MDGA2: variants seen among roughly 807,000 people sequenced by gnomAD.
The protein encoded by MDGA2 is MAM domain-containing glycosylphosphatidylinositol anchor protein 2.
In MDGA2, 40 loss-of-function variants were observed where a neutral mutation model predicts 117.8. The observed-to-expected ratio is 0.34, with a 90% confidence interval of 0.26 to 0.44. The LOEUF (loss-of-function observed/expected upper bound fraction) is 0.44, where lower values mean the gene tolerates loss of function less well. MDGA2 is among the 20% of genes least tolerant of loss of function. The probability of loss-of-function intolerance (pLI) is 1.00; values close to 1 mark genes in which losing one functional copy is unlikely to be tolerated. For synonymous variants in MDGA2, 452 were observed against 439.0 expected (o/e 1.03, Z -0.37); for missense variants, 1,123 against 1,250.6 (o/e 0.90, Z 1.54).
At chr14:47,375,520 A>G (rs751156863) in intron 1 of MDGA2, among the ~76,000 whole-genome samples, 3 of 151,948 alleles carry the variant, frequency 2.0e-5, no homozygotes, top group Admixed American at 6.6e-5. Context: ...TAAATCTGCC[A>G]TTTTCTAATG....
At chr14:46,881,279 T>G (rs1882448079) in intron 11 of MDGA2, among the ~76,000 whole-genome samples, 1 of 152,114 alleles carries the variant, frequency 6.6e-6, no homozygotes, top group Non-Finnish European at 1.5e-5. Context: ...ACATGCTGTA[T>G]GATTCCAAAT....
intron 5 of MDGA2, among the ~76,000 whole-genome samples, chr14:47,127,257 T>C (rs889984054): frequency 6.6e-6 from 1 of 152,126 alleles, no homozygotes; most frequent in Non-Finnish European, 1.5e-5. Flanking sequence ...TCACATTGAT[T>C]ATAGCAATGG....
intron 3 of MDGA2, among the ~76,000 whole-genome samples, chr14:47,200,382 T>G (rs189660407): frequency 1.6e-4 from 25 of 152,182 alleles, no homozygotes; most frequent in Admixed American, 1.6e-3. Context: ...ATATCATATT[T>G]CTAAAACTAT....
intron 1 of MDGA2, among the ~76,000 whole-genome samples, chr14:47,530,012 T>G (rs765263985): frequency 6.6e-6 from 1 of 152,094 alleles, no homozygotes; most frequent in South Asian, 2.1e-4. Context: ...CAATGCCAGG[T>G]TGGGCTGCCA....
At chr14:47,207,165 C>G (rs1426335656) in intron 3 of MDGA2, among the ~76,000 whole-genome samples, 1 of 151,650 alleles carries the variant, frequency 6.6e-6, no homozygotes, top group African/African-American at 2.4e-5. Context: ...TTTACAAGAC[C>G]TTTGGGAGAA....
At chr14:47,261,425 ATAAG>A (rs1285345540) in intron 2 of MDGA2, among the ~76,000 whole-genome samples, 1 of 152,154 alleles carries the variant, frequency 6.6e-6, no homozygotes, top group African/African-American at 2.4e-5. Flanking sequence ...AGGTAATGCA[ATAAG>A]TAAGTAAGGA....
intron 15 of MDGA2, among the ~76,000 whole-genome samples, chr14:46,849,672 T>C (rs554264457): frequency 6.6e-6 from 1 of 152,052 alleles, no homozygotes; most frequent in African/African-American, 2.4e-5. Context: ...ATATGATGTA[T>C]TTAGCCATAG....
chr14:47,674,103 G>A (rs1898127883), intron 1 of MDGA2, among the ~76,000 whole-genome samples: 1 of 151,594 alleles, frequency 6.6e-6, no homozygotes, highest in Non-Finnish European at 1.5e-5. Context: ...GGCGGCGGGG[G>A]CGGAGAGGGG....
rs1888747381 is a variant in MDGA2 at position 47,288,001 on chromosome 14, G to A, written c.420+13410C>T. ...AGGAAGGATTCTACCCAGAATCTCAGAGGGATGATGGCCCTCCTGACACCG... is the reference window on the plus strand; with the variant it reads ...AGGAAGGATTCTACCCAGAATCTCAAAGGGATGATGGCCCTCCTGACACCG... On this transcript the variant is annotated intron_variant, in intron 2 of 16. Transcript: ENST00000399232. Among the ~76,000 whole-genome samples the A allele has an allele frequency of 2.6e-5, 4 of 152,286 alleles. No homozygotes were observed. The South Asian group carries it at 8.3e-4, about 32-fold the overall frequency.
chr14:46,842,098 G>GA, intron 16 of MDGA2, 79 bp from the exon 17 acceptor site: 1 of 829,392 alleles, frequency 1.2e-6, no homozygotes. Context: ...CAACCTTGGT[G>GA]AATAATAAAA....
intron 2 of MDGA2, among the ~76,000 whole-genome samples, chr14:47,294,103 CT>C (rs35698427): frequency 0.35 from 34,478 of 99,264 alleles, 4,169 homozygotes; most frequent in East Asian, 0.55. Context: ...ATATGGCAAT[CT>C]TTTTTTTTTT....
At chr14:47,506,998 T>G (rs1894527278) in intron 1 of MDGA2, among the ~76,000 whole-genome samples, 1 of 151,854 alleles carries the variant, frequency 6.6e-6, no homozygotes, top group Non-Finnish European at 1.5e-5. Flanking sequence ...TGCTTACTTT[T>G]TTTTTTTTTT....
At chr14:47,061,218 A>G (rs1270338196) in intron 7 of MDGA2, 31 bp downstream of exon 7, 7 of 1,550,362 alleles carry the variant, frequency 4.5e-6, no homozygotes, top group Non-Finnish European at 6.2e-6. Flanking sequence ...AAATGTGAAC[A>G]TCTTTTACAT....
chr14:46,911,584 C>A (rs964436965), intron 10 of MDGA2, among the ~76,000 whole-genome samples: 2 of 152,050 alleles, frequency 1.3e-5, no homozygotes, highest in South Asian at 2.1e-4. Context: ...AACTAATAGT[C>A]ATTTATCATT....
At chr14:46,995,555 CT>C (rs568979023) in intron 8 of MDGA2, among the ~76,000 whole-genome samples, 15 of 150,766 alleles carry the variant, frequency 9.9e-5, no homozygotes, top group East Asian at 7.8e-4. Context: ...ATAACCATTG[CT>C]TTTTTTTTGA....
intron 11 of MDGA2, 111 bp from the exon 12 acceptor site, chr14:46,877,620 TA>T: frequency 1.5e-6 from 1 of 678,554 alleles, no homozygotes; most frequent in Admixed American, 3.0e-5. Flanking sequence ...TACCAAAACT[TA>T]ATGATCTTTC....
chr14:46,874,996 A>T (rs1882167609), intron 12 of MDGA2, among the ~76,000 whole-genome samples: 1 of 151,814 alleles, frequency 6.6e-6, no homozygotes, highest in Non-Finnish European at 1.5e-5. Context: ...CACTAGACAC[A>T]TTATTAAAGA....
intron 2 of MDGA2, among the ~76,000 whole-genome samples, chr14:47,289,466 A>C (rs1888806505): frequency 6.6e-6 from 1 of 151,912 alleles, no homozygotes. Context: ...TCTGAGGAAC[A>C]AAAACATATT....
At chr14:47,612,190 TGATA>T (rs200567621) in intron 1 of MDGA2, among the ~76,000 whole-genome samples, 231 of 143,676 alleles carry the variant, frequency 1.6e-3, no homozygotes, top group African/African-American at 3.7e-3. Context: ...ATTTCAAATG[TGATA>T]GATAGATAGA....
Sources: gnomAD v4.1 joint callset for allele counts (sites outside exome capture counted in the v4.1 genomes callset) on GRCh38, gnomAD v4.1.1 for gene constraint, MANE v1.5 for transcripts, NCBI Gene and HGNC (gene_info 2026-07-23, HGNC 2026-07-21) for gene names.